The following GALNT10 variants were observed in gnomAD, a reference collection of about 807,000 sequenced individuals.
GALNT10 encodes the protein polypeptide N-acetylgalactosaminyltransferase 10, also known as GalNAc transferase 10.
Under a neutral mutation model 75.0 loss-of-function variants are expected in GALNT10, and 41 were observed. That is an observed-to-expected ratio of 0.55 (90% CI 0.43 to 0.71). The LOEUF (loss-of-function observed/expected upper bound fraction) is 0.71. Ranked by LOEUF, GALNT10 falls within the 30% of genes least tolerant of loss-of-function variation. The pLI, the probability that GALNT10 is intolerant of heterozygous loss-of-function variation, is 0.00. For missense variants in GALNT10, 727 were observed against 818.5 expected, an observed-to-expected ratio of 0.89 and a Z score of 1.36; for synonymous variants, 302 against 313.0, an observed-to-expected ratio of 0.96 and a Z score of 0.37.
chr5:154,329,295 G>A (rs11745172), intron 3 of GALNT10: 59,049 of 396,578 alleles, frequency 0.15, 5,113 homozygotes, highest in Non-Finnish European at 0.18. Context: ...AGGCCAGAGT[G>A]TTACTGTAGG....
chr5:154,344,990 G>C (rs1050055397), intron 4 of GALNT10, among the ~76,000 whole-genome samples: 1 of 152,200 alleles, frequency 6.6e-6, no homozygotes, highest in East Asian at 1.9e-4. Context: ...AGTCCAGGCT[G>C]TCTGTCCCCA....
At chr5:154,216,596 T>A (rs879740472) in intron 1 of GALNT10, among the ~76,000 whole-genome samples, 13 of 152,348 alleles carry the variant, frequency 8.5e-5, no homozygotes, top group Non-Finnish European at 1.2e-4. Context: ...ATAAATGTTA[T>A]TAATTTGAAA....
intron 4 of GALNT10, among the ~76,000 whole-genome samples, chr5:154,372,139 C>G (rs962044887): frequency 6.6e-6 from 1 of 152,160 alleles, no homozygotes; most frequent in African/African-American, 2.4e-5. Flanking sequence ...GGGTTTTAAT[C>G]CAATACCTGC....
intron 3 of GALNT10, among the ~76,000 whole-genome samples, chr5:154,324,685 A>G (rs1020097825): frequency 6.6e-6 from 1 of 152,044 alleles, no homozygotes. Flanking sequence ...GCTGGGCCCC[A>G]CCCTGAGAGT....
chr5:154,268,496 G>A (rs1312210706), intron 1 of GALNT10, among the ~76,000 whole-genome samples: 1 of 152,128 alleles, frequency 6.6e-6, no homozygotes, highest in African/African-American at 2.4e-5. Flanking sequence ...CATTCAAGGG[G>A]AAGAGACAGT....
intron 7 of GALNT10, among the ~76,000 whole-genome samples, chr5:154,391,509 A>T (rs1755896347): frequency 6.6e-6 from 1 of 152,226 alleles, no homozygotes; most frequent in South Asian, 2.1e-4. Flanking sequence ...CGTGGAAGTC[A>T]GAATCTTCCT....
At chr5:154,277,485 T>C (rs1284030558) in intron 1 of GALNT10, among the ~76,000 whole-genome samples, 1 of 152,046 alleles carries the variant, frequency 6.6e-6, no homozygotes, top group African/African-American at 2.4e-5. Flanking sequence ...TGGGAGGAGC[T>C]GCACAATCCC....
chr5:154,365,295 G>T (rs370477127), intron 4 of GALNT10, among the ~76,000 whole-genome samples: 2 of 152,184 alleles, frequency 1.3e-5, no homozygotes, highest in Non-Finnish European at 2.9e-5. Context: ...AATTTGTAGC[G>T]TGATACCTAA....
intron 4 of GALNT10, among the ~76,000 whole-genome samples, chr5:154,344,528 G>A (rs1183974552): frequency 6.6e-6 from 1 of 152,148 alleles, no homozygotes; most frequent in Non-Finnish European, 1.5e-5. Flanking sequence ...TCTAAAAAAG[G>A]TGGTGGTAGA....
intron 1 of GALNT10, among the ~76,000 whole-genome samples, chr5:154,195,005 T>C (rs577312847): frequency 5.3e-5 from 8 of 152,364 alleles, no homozygotes; most frequent in African/African-American, 1.9e-4. Flanking sequence ...GGTATGTTCA[T>C]ATTTGAATGT....
chr5:154,302,702 T>G (rs1754378363), intron 3 of GALNT10, among the ~76,000 whole-genome samples: 1 of 152,220 alleles, frequency 6.6e-6, no homozygotes, highest in South Asian at 2.1e-4. Flanking sequence ...AATGAACCTG[T>G]GTTGCAACAA....
At chr5:154,260,073 G>C (rs981340827) in intron 1 of GALNT10, among the ~76,000 whole-genome samples, 1 of 152,196 alleles carries the variant, frequency 6.6e-6, no homozygotes, top group Admixed American at 6.5e-5. Flanking sequence ...AAATACACTT[G>C]TGGATGTTTT....
chr5:154,387,162 A>C (rs896935063), intron 7 of GALNT10: 1 of 152,222 alleles, frequency 6.6e-6, no homozygotes, highest in Non-Finnish European at 1.5e-5. Flanking sequence ...ACTGTAACCT[A>C]CTTGACCAGC....
chr5:154,372,374 T>C lies in GALNT10; in HGVS notation c.569-3903T>C, dbSNP rs1477314648. ...GGCACCGAAGAACTACATGTTGCTG[T>C]GCTGAAGTAATCACTGTGAGCTTCA... is the stretch of plus-strand genomic sequence containing the variant. On this transcript the variant is annotated intron_variant, in intron 4 of 11. Coordinates refer to ENST00000297107, the MANE Select transcript of GALNT10 (RefSeq NM_198321.4). 2.0e-5 allele frequency among the ~76,000 whole-genome samples: 3 copies of C among 152,244 alleles called. No homozygotes were observed. In the East Asian group the frequency reaches 5.8e-4, roughly 29 times the overall value.
At chr5:154,403,928 G>A (rs1756218867) in intron 7 of GALNT10, 176 bp from the exon 8 acceptor site, 2 of 677,454 alleles carry the variant, frequency 3.0e-6, no homozygotes, top group Non-Finnish European at 5.5e-6. Flanking sequence ...GCTGTCAGCT[G>A]TTTTTACCGC....
At chr5:154,199,566 C>T (rs1001710674) in intron 1 of GALNT10, among the ~76,000 whole-genome samples, 5 of 152,146 alleles carry the variant, frequency 3.3e-5, no homozygotes, top group African/African-American at 1.2e-4. Context: ...CTGTGGGCTG[C>T]GAGGATTGGC....
intron 4 of GALNT10, among the ~76,000 whole-genome samples, chr5:154,345,148 CA>C (rs1183134571): frequency 6.6e-6 from 1 of 152,116 alleles, no homozygotes; most frequent in Non-Finnish European, 1.5e-5. Flanking sequence ...ATCCTCCCCC[CA>C]CCCCCACATA....
At chr5:154,300,219 C>T (rs1323048736) in intron 3 of GALNT10, among the ~76,000 whole-genome samples, 2 of 152,162 alleles carry the variant, frequency 1.3e-5, no homozygotes, top group African/African-American at 4.8e-5. Flanking sequence ...TGTAACCTGA[C>T]TCTGAGGGTC....
chr5:154,314,575 C>A (rs1754570395), intron 3 of GALNT10, among the ~76,000 whole-genome samples: 1 of 152,010 alleles, frequency 6.6e-6, no homozygotes, highest in Non-Finnish European at 1.5e-5. Context: ...TGGTAGTTGG[C>A]TTTCTGCCTT....
Sources: allele counts gnomAD v4.1 joint callset (sites outside exome capture counted in the v4.1 genomes callset), GRCh38; gene constraint gnomAD v4.1.1; transcripts MANE v1.5; gene names NCBI Gene and HGNC (gene_info 2026-07-23, HGNC 2026-07-21).